The following GRIK2 variants were observed in gnomAD, a reference collection of about 807,000 sequenced individuals.
GRIK2 encodes glutamate receptor ionotropic, kainate 2.
Under a neutral mutation model 100.3 loss-of-function variants are expected in GRIK2, and 32 were observed. The observed-to-expected ratio is 0.32, with a 90% CI of 0.24 to 0.43. The LOEUF is 0.43. Among genes scored for constraint, GRIK2 ranks in the 20% least tolerant of loss-of-function variants. The pLI, the probability that GRIK2 is intolerant of heterozygous loss-of-function variation, is 1.00. For synonymous variants in GRIK2, 417 were observed against 389.4 expected, an observed-to-expected ratio of 1.07 and a Z score of -0.83; for missense variants, 843 against 1,114.9, an observed-to-expected ratio of 0.76 and a Z score of 3.47.
intron 14 of GRIK2, among the ~76,000 whole-genome samples, chr6:101,982,505 G>A (rs1043401582): frequency 3.3e-5 from 5 of 151,816 alleles, no homozygotes; most frequent in South Asian, 2.1e-4. Context: ...TGTGTGAATC[G>A]TGGGTGTAAT....
At chr6:101,394,448 T>G (rs1348212285) in intron 1 of GRIK2, among the ~76,000 whole-genome samples, 1 of 152,166 alleles carries the variant, frequency 6.6e-6, no homozygotes, top group African/African-American at 2.4e-5. Flanking sequence ...GGAGATAGAG[T>G]TTCTTTACCA....
chr6:101,419,323 C>T (rs981906344), intron 2 of GRIK2, among the ~76,000 whole-genome samples: 6 of 151,950 alleles, frequency 3.9e-5, no homozygotes, highest in African/African-American at 7.3e-5. Flanking sequence ...TAGCCAGTAG[C>T]TTCATTCAAT....
intron 7 of GRIK2, among the ~76,000 whole-genome samples, chr6:101,689,351 AT>A (rs1272357714): frequency 6.6e-6 from 1 of 152,088 alleles, no homozygotes; most frequent in African/African-American, 2.4e-5. Context: ...TATCAGTATC[AT>A]AATCATTTGC....
chr6:101,924,685 T>C lies in GRIK2; in HGVS notation c.1833T>C (p.Ser611=). The C allele has an allele frequency of 6.2e-7, 1 of 1,611,528 alleles. No homozygotes were observed. Among genetic ancestry groups the C allele is most frequent in the South Asian group, 1.1e-5 (1 of 91,014 alleles). ...AAAACAATTTTACCTTGCTAAATAG[T>C]TTCTGGTTTGGAGTTGGAGCTCTCA... ...VVENNFTLLN[S]FWFGVGALMQ... The change falls in exon 13 of 17, where the codon AGT becomes AGC. Residue 611 remains serine (S), a synonymous_variant. Transcript: ENST00000369134.
Position 101,980,498 on chromosome 6 carries a change from C to A in GRIK2, c.2085+51866C>A, listed in dbSNP as rs1401843823. On this transcript the variant is annotated intron_variant, in intron 14 of 16. Coordinates refer to ENST00000369134, the MANE Select transcript of GRIK2 (RefSeq NM_021956.5). ...TGGCTAACTTAAGACTTTTTACAAC[C>A]TTTGCTCTTATCTCTATAATAAATT... 2.0e-5 allele frequency among the ~76,000 whole-genome samples: 3 copies of A among 151,848 alleles called. No individual in the cohort carries two copies. The East Asian group carries it at 5.8e-4, about 30-fold the overall frequency.
chr6:101,917,563 G>A (rs2791791), intron 12 of GRIK2, among the ~76,000 whole-genome samples: 141,824 of 151,322 alleles, frequency 0.94, 66,498 homozygotes, highest in Middle Eastern at 0.97. Flanking sequence ...AAATAACCAA[G>A]TTAGCATTAC....
At chr6:101,593,333 G>C (rs1329430751) in intron 2 of GRIK2, among the ~76,000 whole-genome samples, 2 of 151,756 alleles carry the variant, frequency 1.3e-5, no homozygotes, top group Non-Finnish European at 2.9e-5. Context: ...TTCACTATTT[G>C]TTTCATATAT....
rs117777886 is a variant in GRIK2 at position 101,709,257 on chromosome 6, G to A, written c.951+22904G>A. Among the ~76,000 whole-genome samples, 217 of 151,782 alleles carry A rather than the reference G, an allele frequency of 1.4e-3. 3 individuals carry two copies. In the East Asian group the frequency reaches 0.023, roughly 16 times the overall value. On this transcript the variant is annotated intron_variant, in intron 7 of 16. Transcript: ENST00000369134. ...AAAGATATAAAACAGATAGACCGTG[G>A]CCCTGCAGGAACCTTAGTTTGGACT... is the stretch of plus-strand genomic sequence containing the variant.
rs1480755437 is a variant in GRIK2 at position 101,720,239 on chromosome 6, T to TA, written c.951+33892dup. On this transcript the variant is annotated intron_variant, in intron 7 of 16. Transcript: ENST00000369134. ...CCCAGCCCACACTGTCAGAAAAAAA[T>TA]AAAAAATGTGTTTGTCCGTTCAAAC... Among the ~76,000 whole-genome samples, 5 of 151,856 alleles carry TA rather than the reference T, an allele frequency of 3.3e-5. No individual in the cohort carries two copies. The East Asian group carries it at 9.7e-4, about 29-fold the overall frequency.
chr6:101,401,755 G>A (rs1775317261), intron 2 of GRIK2, among the ~76,000 whole-genome samples: 1 of 152,206 alleles, frequency 6.6e-6, no homozygotes, highest in African/African-American at 2.4e-5. Flanking sequence ...CCACTCTTGA[G>A]AATGGTTATT....
chr6:101,947,469 A>G (rs1791352259), intron 14 of GRIK2, among the ~76,000 whole-genome samples: 1 of 152,158 alleles, frequency 6.6e-6, no homozygotes, highest in Non-Finnish European at 1.5e-5. Flanking sequence ...GCATTCCACT[A>G]AGTTTCTTAA....
intron 7 of GRIK2, among the ~76,000 whole-genome samples, chr6:101,758,787 T>G (rs768939946): frequency 6.6e-6 from 1 of 152,192 alleles, no homozygotes; most frequent in Non-Finnish European, 1.5e-5. Context: ...CATTCTTTTT[T>G]TGAAAAGCTA....
intron 1 of GRIK2, among the ~76,000 whole-genome samples, chr6:101,395,323 AT>A (rs1774960005): frequency 6.6e-6 from 1 of 152,238 alleles, no homozygotes. Context: ...CAAATGTCAC[AT>A]AACAGCAGGA....
At chr6:101,928,034 C>G (rs1790021057) in intron 13 of GRIK2, 1 of 181,192 alleles carries the variant, frequency 5.5e-6, no homozygotes. Context: ...TAAGCACTTC[C>G]TCTGAAACCC....
At chr6:101,676,104 A>C (rs1181124856) in intron 4 of GRIK2, among the ~76,000 whole-genome samples, 1 of 152,194 alleles carries the variant, frequency 6.6e-6, no homozygotes, top group Non-Finnish European at 1.5e-5. Context: ...TCACAAAACA[A>C]TTATTAATGT....
chr6:101,586,338 A>G (rs1305189118), intron 2 of GRIK2, among the ~76,000 whole-genome samples: 4 of 152,268 alleles, frequency 2.6e-5, no homozygotes, highest in Admixed American at 2.0e-4. Context: ...GTTTGTTTTT[A>G]CACAGCATAT....
chr6:101,998,322 G>C lies in GRIK2; in HGVS notation c.2086-37019G>C, dbSNP rs182187119. Among the ~76,000 whole-genome samples, 314 of 152,220 alleles carry C rather than the reference G, an allele frequency of 2.1e-3. 1 individual carries two copies. Among genetic ancestry groups the C allele is most frequent in the African/African-American group, 7.3e-3 (303 of 41,554 alleles). On this transcript the variant is annotated intron_variant, in intron 14 of 16. Coordinates refer to ENST00000369134, the MANE Select transcript of GRIK2 (RefSeq NM_021956.5). Reference sequence around the variant, plus strand: ...TAACAGCAGATAAAGGAACATTACTGTGTGTACTCAATTTGTGCTCCTTTT... The same window carrying C: ...TAACAGCAGATAAAGGAACATTACTCTGTGTACTCAATTTGTGCTCCTTTT...
chr6:101,414,114 G>C (rs1228842330), intron 2 of GRIK2, among the ~76,000 whole-genome samples: 1 of 152,184 alleles, frequency 6.6e-6, no homozygotes, highest in Non-Finnish European at 1.5e-5. Flanking sequence ...AGTGTGACAA[G>C]TGCACACAAT....
intron 2 of GRIK2, among the ~76,000 whole-genome samples, chr6:101,523,422 G>A (rs968276812): frequency 6.6e-6 from 1 of 152,088 alleles, no homozygotes; most frequent in African/African-American, 2.4e-5. Context: ...ACTGTTGAAG[G>A]AAGAAGTAGA....
Sources: allele counts gnomAD v4.1 joint callset (sites outside exome capture counted in the v4.1 genomes callset), GRCh38; gene constraint gnomAD v4.1.1; transcripts MANE v1.5; gene names NCBI Gene and HGNC (gene_info 2026-07-23, HGNC 2026-07-21).